Variants in CCDC171 observed in about 807,000 individuals in gnomAD.
CCDC171 encodes the protein coiled-coil domain containing 171, also known as coiled-coil domain-containing protein 171.
CCDC171 carries 177 observed loss-of-function variants against 168.2 expected under a neutral mutation model. The observed-to-expected ratio is 1.05, with a 90% CI of 0.93 to 1.19. The LOEUF is 1.19. CCDC171 is among the 50% of genes most tolerant of loss of function. The probability of loss-of-function intolerance (pLI) is 0.00; values close to 1 mark genes in which losing one functional copy is unlikely to be tolerated. For synonymous variants in CCDC171, 687 were observed against 540.8 expected (o/e 1.27, Z -3.75); for missense variants, 1,991 against 1,539.0 (o/e 1.29, Z -4.91).
At chr9:15,588,183 C>T (rs989569170) in intron 4 of CCDC171, among the ~76,000 whole-genome samples, 3 of 152,036 alleles carry the variant, frequency 2.0e-5, no homozygotes, top group African/African-American at 4.8e-5. Flanking sequence ...TGCAGTGAGC[C>T]GAGATTGCGC....
At chr9:15,570,452 A>G (rs535490723) in intron 2 of CCDC171, among the ~76,000 whole-genome samples, 6 of 150,792 alleles carry the variant, frequency 4.0e-5, no homozygotes, top group East Asian at 1.9e-4. Context: ...CTTCTTTTCT[A>G]TGCACCATAT....
chr9:15,908,205 C>T (rs369860410), intron 24 of CCDC171, among the ~76,000 whole-genome samples: 4 of 152,056 alleles, frequency 2.6e-5, no homozygotes, highest in Non-Finnish European at 4.4e-5. Flanking sequence ...CACATGCACA[C>T]GTATGTTTAT....
chr9:15,577,111 C>T (rs1305782104), intron 3 of CCDC171, among the ~76,000 whole-genome samples: 1 of 152,292 alleles, frequency 6.6e-6, no homozygotes, highest in African/African-American at 2.4e-5. Context: ...ACAGAAGAAA[C>T]CTGGTGAAAC....
chr9:15,955,877 T>C (rs928152463), intron 25 of CCDC171, among the ~76,000 whole-genome samples: 2 of 152,158 alleles, frequency 1.3e-5, no homozygotes, highest in African/African-American at 2.4e-5. Context: ...TGTATACTTA[T>C]AACAAATTAT....
At chr9:15,623,760 T>A (rs1391719244) in intron 7 of CCDC171, among the ~76,000 whole-genome samples, 2 of 152,164 alleles carry the variant, frequency 1.3e-5, no homozygotes, top group Non-Finnish European at 2.9e-5. Flanking sequence ...AAAGTTTTGG[T>A]GTACATAGGT....
chr9:15,708,919 C>T (rs971105534), intron 11 of CCDC171, among the ~76,000 whole-genome samples: 3 of 152,138 alleles, frequency 2.0e-5, no homozygotes, highest in East Asian at 1.9e-4. Flanking sequence ...TTTATACATA[C>T]AGTCTTTTTT....
At position 15,631,455 on chromosome 9, in the gene CCDC171, A is replaced by T. The variant is rs1412967496; in HGVS notation, c.822+8042A>T. ...GATAGATTCTTGGACACATACACCC[A>T]CCCAAGACTAAACCAGGAAGAAGTT... On this transcript the variant is annotated intron_variant, in intron 7 of 25. Transcript: ENST00000380701. Among the ~76,000 whole-genome samples, 3 of 152,120 alleles carry T rather than the reference A, an allele frequency of 2.0e-5. 1 individual carries two copies. The highest frequency in any genetic ancestry group is 4.1e-4 in the South Asian group (2 of 4,828).
rs1003805570 is a variant in CCDC171 at position 15,934,018 on chromosome 9, A to G, written c.3753+13596A>G. Among the ~76,000 whole-genome samples, 3 of 152,122 alleles carry G rather than the reference A, an allele frequency of 2.0e-5. 1 individual carries two copies. Among genetic ancestry groups the G allele is most frequent in the Admixed American group, 2.0e-4 (3 of 15,244 alleles). ...AATGGGGGAAAATATTTATAATTAT[A>G]TATCTGATTAATCCCTGATATCCAT... On this transcript the variant is annotated intron_variant, in intron 25 of 25. Coordinates refer to ENST00000380701, the MANE Select transcript of CCDC171 (RefSeq NM_173550.4).
chr9:15,702,982 C>A (rs930980084), intron 11 of CCDC171, among the ~76,000 whole-genome samples: 2 of 151,664 alleles, frequency 1.3e-5, no homozygotes, highest in African/African-American at 4.8e-5. Context: ...CTGCTCACTG[C>A]AACCTCCCTC....
chr9:15,737,616 C>A (rs994734282), intron 16 of CCDC171, among the ~76,000 whole-genome samples: 1 of 152,168 alleles, frequency 6.6e-6, no homozygotes, highest in Non-Finnish European at 1.5e-5. Context: ...GAACTCTGTT[C>A]TTTTGAGGGT....
intron 9 of CCDC171, among the ~76,000 whole-genome samples, chr9:15,669,970 A>T (rs1034186591): frequency 2.0e-5 from 3 of 151,452 alleles, no homozygotes; most frequent in Admixed American, 6.6e-5. Flanking sequence ...AAAAAAAAAA[A>T]AAAAGAATGG....
chr9:15,558,079 G>T lies in CCDC171; in HGVS notation c.-112+4777G>T, dbSNP rs571459226. ...ATGTTGAACCAGCCTTCCATCCCAG[G>T]GATGAAGCCAACTTGATCGTGGTGG... On this transcript the variant is annotated intron_variant, in intron 1 of 25. Transcript: ENST00000380701. Among the ~76,000 whole-genome samples the T allele has an allele frequency of 5.9e-5, 9 of 152,238 alleles. No individual in the cohort carries two copies. In the South Asian group the frequency reaches 1.2e-3, roughly 21 times the overall value.
intron 21 of CCDC171, among the ~76,000 whole-genome samples, chr9:15,830,016 C>T (rs542714233): frequency 2.0e-5 from 3 of 152,140 alleles, no homozygotes; most frequent in Non-Finnish European, 2.9e-5. Flanking sequence ...TAATGATAAT[C>T]TGTTTTCTTC....
chr9:15,669,490 T>C (rs978983618), intron 9 of CCDC171, among the ~76,000 whole-genome samples: 1 of 152,136 alleles, frequency 6.6e-6, no homozygotes, highest in Non-Finnish European at 1.5e-5. Context: ...CAATTCCACT[T>C]TTTTAGTTAT....
chr9:15,897,800 A>C (rs1371392744), intron 24 of CCDC171, among the ~76,000 whole-genome samples: 3 of 152,220 alleles, frequency 2.0e-5, no homozygotes, highest in East Asian at 1.9e-4. Flanking sequence ...GATTAAGTCT[A>C]CTGATTTCAC....
intron 11 of CCDC171, among the ~76,000 whole-genome samples, chr9:15,719,414 GAA>G (rs1347023644): frequency 3.5e-5 from 2 of 57,752 alleles, no homozygotes; most frequent in Non-Finnish European, 7.4e-5. Context: ...CGGGGCGGGG[GAA>G]AGAGAGAGAG....
the CCDC171 span, among the ~76,000 whole-genome samples, chr9:16,068,017 G>T: frequency 6.6e-6 from 1 of 151,562 alleles, no homozygotes; most frequent in Non-Finnish European, 1.5e-5. Flanking sequence ...AAGTCAAATT[G>T]TCCCTGTTTG....
At chr9:15,899,804 C>T (rs1424781072) in intron 24 of CCDC171, among the ~76,000 whole-genome samples, 2 of 151,960 alleles carry the variant, frequency 1.3e-5, no homozygotes, top group African/African-American at 2.4e-5. Flanking sequence ...CTGTCATTTA[C>T]TCTTTGTGAC....
intron 21 of CCDC171, among the ~76,000 whole-genome samples, chr9:15,837,235 G>T (rs1339310235): frequency 6.6e-6 from 1 of 152,150 alleles, no homozygotes; most frequent in East Asian, 1.9e-4. Context: ...CTAGGCTCCA[G>T]AAGCCATATT....
Sources: allele counts gnomAD v4.1 joint callset (sites outside exome capture counted in the v4.1 genomes callset), GRCh38; gene constraint gnomAD v4.1.1; transcripts MANE v1.5; gene names NCBI Gene and HGNC (gene_info 2026-07-23, HGNC 2026-07-21).